NKAIN3: variants seen among roughly 807,000 people sequenced by gnomAD.
The protein encoded by NKAIN3 is sodium/potassium-transporting ATPase subunit beta-1-interacting protein 3.
A neutral mutation model predicts 30.2 loss-of-function variants in NKAIN3; 25 were observed. That is an observed-to-expected ratio of 0.83 (90% CI 0.60 to 1.16). The LOEUF (loss-of-function observed/expected upper bound fraction) is 1.16, where lower values mean the gene tolerates loss of function less well. NKAIN3 is among the 50% of genes most tolerant of loss of function. The probability of loss-of-function intolerance (pLI) is 0.00; values close to 1 mark genes in which losing one functional copy is unlikely to be tolerated. For synonymous variants in NKAIN3, 91 were observed against 89.6 expected, an observed-to-expected ratio of 1.02 and a Z score of -0.09; for missense variants, 225 against 254.1, an observed-to-expected ratio of 0.89 and a Z score of 0.78.
At chr8:62,602,828 A>G (rs991201099) in intron 3 of NKAIN3, among the ~76,000 whole-genome samples, 6 of 152,110 alleles carry the variant, frequency 3.9e-5, no homozygotes, top group Admixed American at 3.3e-4. Flanking sequence ...ACTAACTTCA[A>G]TAAGTCAATA....
chr8:62,587,653 A>T (rs373263365), intron 2 of NKAIN3, among the ~76,000 whole-genome samples: 9 of 152,028 alleles, frequency 5.9e-5, no homozygotes, highest in African/African-American at 2.2e-4. Flanking sequence ...GACACTAAAT[A>T]GGTGATTAAA....
intron 1 of NKAIN3, among the ~76,000 whole-genome samples, chr8:62,389,764 G>T (rs914088178): frequency 1.3e-5 from 2 of 152,134 alleles, no homozygotes. Context: ...ATACAGTTTG[G>T]TAGAGAATGC....
Position 62,314,708 on chromosome 8 carries a change from A to G in NKAIN3, c.54+65581A>G, listed in dbSNP as rs1032856866. Among the ~76,000 whole-genome samples, 6 of 152,330 alleles carry G rather than the reference A, an allele frequency of 3.9e-5. No individual in the cohort carries two copies. In the Middle Eastern group the frequency reaches 0.01, roughly 259 times the overall value. On this transcript the variant is annotated intron_variant, in intron 1 of 6. Coordinates refer to ENST00000623646, the MANE Select transcript of NKAIN3 (RefSeq NM_001304533.3). ...ACAGTCTTTAGTTGAGGAGAATCCT[A>G]TGCATTTGAGATGCCCTTGTGGTGT... is the stretch of plus-strand genomic sequence containing the variant.
rs796096512 is a variant in NKAIN3, at chr8:62,748,345, G to GA, written c.471+1228dup. ...ACATGCACATGGCTTCTCTTTCTGG[G>GA]AAAAAAAAAAAATTGACCGATTCTC... On this transcript the variant is annotated intron_variant, in intron 4 of 6. Transcript: ENST00000623646. 3.3e-3 allele frequency among the ~76,000 whole-genome samples: 492 copies of GA among 148,558 alleles called. 1 individual carries two copies. Among genetic ancestry groups the GA allele is most frequent in the African/African-American group, 0.01 (416 of 40,300 alleles).
At chr8:62,466,334 C>G (rs919394273) in intron 1 of NKAIN3, among the ~76,000 whole-genome samples, 2 of 152,036 alleles carry the variant, frequency 1.3e-5, no homozygotes, top group African/African-American at 4.8e-5. Context: ...ACCAATTTTT[C>G]TCCAAAATAT....
chr8:62,527,798 T>C (rs989766528), intron 1 of NKAIN3, among the ~76,000 whole-genome samples: 2 of 152,038 alleles, frequency 1.3e-5, no homozygotes, highest in African/African-American at 4.8e-5. Context: ...AAATAAATCC[T>C]AAAGATTCTT....
intron 3 of NKAIN3, among the ~76,000 whole-genome samples, chr8:62,731,485 T>C (rs1815464208): frequency 6.6e-6 from 1 of 152,154 alleles, no homozygotes. Flanking sequence ...CTGATATAAA[T>C]ACACTAGTAA....
chr8:62,993,607 T>C (rs563538338), intron 5 of NKAIN3, among the ~76,000 whole-genome samples: 1 of 152,308 alleles, frequency 6.6e-6, no homozygotes, highest in East Asian at 1.9e-4. Flanking sequence ...CAGCCTTCTA[T>C]GGCCCCTTTG....
chr8:62,747,080 A>T lies in NKAIN3; in HGVS notation c.422A>T (p.Asp141Val). ...GTCTCTGTCACAGGCTGCATCGTTGACTTCCAGTACCTGGAGGTCATCCAC... is the reference window on the plus strand; with the variant it reads ...GTCTCTGTCACAGGCTGCATCGTTGTCTTCCAGTACCTGGAGGTCATCCAC... ...TYVSVTGCIV[D>V]FQYLEVIHSA... The change falls in exon 4 of 7, where the codon GAC becomes GTC. Residue 141 changes from aspartate to valine, a missense_variant. Transcript: ENST00000623646. 1 of 1,613,700 alleles carries T rather than the reference A, an allele frequency of 6.2e-7. No individual in the cohort carries two copies. Among genetic ancestry groups the T allele is most frequent in the Non-Finnish European group, 8.5e-7 (1 of 1,179,662 alleles).
rs1289994294 is a variant in NKAIN3, at chr8:62,982,789, C to A, written c.*17382C>A. On this transcript the variant is annotated 3_prime_UTR_variant, in exon 7 of 7. Coordinates refer to ENST00000623646, the MANE Select transcript of NKAIN3 (RefSeq NM_001304533.3). ...AGAAAAGAGAAGCATTTATAGCAAG[C>A]ATGGGTGTGGCATGCTTTCTCTGTG... is the stretch of plus-strand genomic sequence containing the variant. The A allele has an allele frequency of 1.3e-5, 2 of 152,058 alleles. No homozygotes were observed. The highest frequency in any genetic ancestry group is 2.9e-5 in the Non-Finnish European group (2 of 68,014). The allele number at this position is 152,058 out of a possible 1,614,324, so 9.4% of individuals were successfully genotyped here.
intron 1 of NKAIN3, among the ~76,000 whole-genome samples, chr8:62,352,989 C>T (rs1474083761): frequency 6.6e-6 from 1 of 152,166 alleles, no homozygotes; most frequent in Non-Finnish European, 1.5e-5. Flanking sequence ...AGTCCATCTG[C>T]CTTCTTGTTA....
intron 1 of NKAIN3, among the ~76,000 whole-genome samples, chr8:62,503,395 C>T (rs1807523493): frequency 6.6e-6 from 1 of 152,136 alleles, no homozygotes; most frequent in South Asian, 2.1e-4. Context: ...AGGACCAAGG[C>T]AAAATCAGAA....
At chr8:62,842,359 A>G (rs996308583) in intron 4 of NKAIN3, among the ~76,000 whole-genome samples, 40 of 152,172 alleles carry the variant, frequency 2.6e-4, no homozygotes, top group Non-Finnish European at 1.9e-4. Flanking sequence ...AATGAAATTG[A>G]AGAAAACACA....
intron 1 of NKAIN3, among the ~76,000 whole-genome samples, chr8:62,500,061 T>C (rs1807376897): frequency 6.6e-6 from 1 of 152,246 alleles, no homozygotes; most frequent in South Asian, 2.1e-4. Flanking sequence ...GGTCTGAGCA[T>C]GAGTACCGCT....
intron 3 of NKAIN3, among the ~76,000 whole-genome samples, chr8:62,666,624 T>C (rs984706048): frequency 6.6e-6 from 1 of 152,214 alleles, no homozygotes; most frequent in Non-Finnish European, 1.5e-5. Context: ...TAATTATTTA[T>C]CCCTTACCTT....
intron 3 of NKAIN3, among the ~76,000 whole-genome samples, chr8:62,609,522 G>A (rs1160431098): frequency 6.6e-6 from 1 of 152,104 alleles, no homozygotes; most frequent in Non-Finnish European, 1.5e-5. Context: ...AAGTATTCTT[G>A]TAGGGACTGA....
intron 4 of NKAIN3, among the ~76,000 whole-genome samples, chr8:62,892,051 A>T (rs1446621207): frequency 1.3e-5 from 2 of 152,198 alleles, no homozygotes; most frequent in African/African-American, 4.8e-5. Flanking sequence ...GCTGATGAAG[A>T]TGGGTGACAT....
At chr8:62,715,579 C>T (rs1814869729) in intron 3 of NKAIN3, among the ~76,000 whole-genome samples, 2 of 152,114 alleles carry the variant, frequency 1.3e-5, no homozygotes, top group East Asian at 3.9e-4. Context: ...ATTATCTATG[C>T]TGTCGGTGTT....
intron 1 of NKAIN3, among the ~76,000 whole-genome samples, chr8:62,380,308 T>G (rs1416781477): frequency 1.3e-5 from 2 of 152,232 alleles, no homozygotes. Flanking sequence ...GACAACCACT[T>G]GGACCTCTAG....
Sources: allele counts gnomAD v4.1 joint callset (sites outside exome capture counted in the v4.1 genomes callset), GRCh38; gene constraint gnomAD v4.1.1; transcripts MANE v1.5; gene names NCBI Gene and HGNC (gene_info 2026-07-23, HGNC 2026-07-21).